The following PTPN4 variants were observed in gnomAD, a reference collection of about 807,000 sequenced individuals.
PTPN4 encodes tyrosine-protein phosphatase non-receptor type 4.
In PTPN4, 49 loss-of-function variants were observed where a neutral mutation model predicts 135.5. The ratio of observed to expected loss-of-function variants is 0.36; its 90% CI spans 0.29 to 0.46. The LOEUF (loss-of-function observed/expected upper bound fraction) is 0.46. Ranked by LOEUF, PTPN4 falls within the 20% of genes least tolerant of loss-of-function variation. The probability of loss-of-function intolerance (pLI) is 1.00; values close to 1 mark genes in which losing one functional copy is unlikely to be tolerated. For missense variants in PTPN4, 860 were observed against 1,101.0 expected, an observed-to-expected ratio of 0.78 and a Z score of 3.10; for synonymous variants, 333 against 369.9, an observed-to-expected ratio of 0.90 and a Z score of 1.14.
chr2:119,904,176 A>G (rs1678450488), intron 10 of PTPN4, among the ~76,000 whole-genome samples: 1 of 152,316 alleles, frequency 6.6e-6, no homozygotes, highest in East Asian at 1.9e-4. Context: ...CAGAGATATC[A>G]AGAAAACCAT....
intron 26 of PTPN4, among the ~76,000 whole-genome samples, chr2:119,973,026 C>CACATA (rs1679559020): frequency 6.6e-6 from 1 of 152,018 alleles, no homozygotes; most frequent in African/African-American, 2.4e-5. Context: ...TGGCAAAATA[C>CACATA]ACATAACATA....
intron 24 of PTPN4, among the ~76,000 whole-genome samples, chr2:119,963,234 G>T (rs1679395120): frequency 6.6e-6 from 1 of 152,166 alleles, no homozygotes; most frequent in African/African-American, 2.4e-5. Flanking sequence ...AGCAGATGGG[G>T]TGTAGATTTC....
At chr2:119,936,499 G>C (rs1678986079) in intron 15 of PTPN4, among the ~76,000 whole-genome samples, 1 of 151,978 alleles carries the variant, frequency 6.6e-6, no homozygotes, top group Non-Finnish European at 1.5e-5. Flanking sequence ...AAGATCTGAT[G>C]GTTTTATAAG....
intron 1 of PTPN4, among the ~76,000 whole-genome samples, chr2:119,774,302 T>C (rs1690790621): frequency 6.6e-6 from 1 of 152,188 alleles, no homozygotes; most frequent in Non-Finnish European, 1.5e-5. Flanking sequence ...GTACCATAGA[T>C]TGAGGTCTGC....
chr2:119,888,620 A>G (rs1678194646), intron 9 of PTPN4, among the ~76,000 whole-genome samples: 1 of 152,156 alleles, frequency 6.6e-6, no homozygotes, highest in Non-Finnish European at 1.5e-5. Context: ...CTTGTGATAT[A>G]TCATGTTTAT....
intron 1 of PTPN4, among the ~76,000 whole-genome samples, chr2:119,806,634 TTTAACACCCTA>T (rs1691475507): frequency 6.6e-6 from 1 of 152,134 alleles, no homozygotes; most frequent in African/African-American, 2.4e-5. Context: ...AATGGAAGAC[TTTAACACCCTA>T]CTGTCAACAT....
intron 9 of PTPN4, among the ~76,000 whole-genome samples, chr2:119,886,250 A>G (rs1305281985): frequency 6.6e-6 from 1 of 152,190 alleles, no homozygotes; most frequent in Non-Finnish European, 1.5e-5. Flanking sequence ...GGCCTGTATT[A>G]GTGCACTTAC....
chr2:119,793,647 C>T lies in PTPN4; in HGVS notation c.-17-16190C>T, dbSNP rs931250267. Among the ~76,000 whole-genome samples, 6 of 152,062 alleles carry T rather than the reference C, an allele frequency of 3.9e-5. No homozygotes were observed. In the East Asian group the frequency reaches 5.8e-4, roughly 15 times the overall value. On this transcript the variant is annotated intron_variant, in intron 1 of 26. Transcript: ENST00000263708. ...GTTTAGAGATTGTATTAAAGTCGGG[C>T]GTAAGAAATTATAAAAGTATTAATT...
At chr2:119,888,117 A>G (rs1484190915) in intron 9 of PTPN4, among the ~76,000 whole-genome samples, 2 of 151,986 alleles carry the variant, frequency 1.3e-5, no homozygotes, top group Non-Finnish European at 1.5e-5. Context: ...TATTTTTTGT[A>G]GCTATTGTAA....
chr2:119,924,510 G>A (rs1288748469), intron 12 of PTPN4, among the ~76,000 whole-genome samples: 9 of 151,806 alleles, frequency 5.9e-5, no homozygotes, highest in Admixed American at 5.9e-4. Flanking sequence ...TTTCTATGTT[G>A]CTTGAATAAC....
intron 2 of PTPN4, among the ~76,000 whole-genome samples, chr2:119,837,396 C>A (rs555397726): frequency 4.5e-4 from 69 of 151,854 alleles, no homozygotes; most frequent in Admixed American, 1.1e-3. Context: ...CCATAGGTCT[C>A]CTCTCCACCG....
intron 13 of PTPN4, among the ~76,000 whole-genome samples, chr2:119,930,261 A>G (rs1678885751): frequency 6.6e-6 from 1 of 152,168 alleles, no homozygotes; most frequent in Admixed American, 6.5e-5. Context: ...AACTAATAAC[A>G]TTCCATGTCT....
At chr2:119,913,866 A>AC (rs1574401698) in intron 10 of PTPN4, among the ~76,000 whole-genome samples, 2 of 152,308 alleles carry the variant, frequency 1.3e-5, no homozygotes, top group East Asian at 3.9e-4. Flanking sequence ...AGCCAAAAAA[A>AC]CGGTTATGGC....
chr2:119,890,012 G>A (rs537242933), intron 9 of PTPN4, among the ~76,000 whole-genome samples: 1 of 152,308 alleles, frequency 6.6e-6, no homozygotes, highest in Non-Finnish European at 1.5e-5. Context: ...GGAATGTTCT[G>A]TAAGTGTCTG....
At chr2:119,804,608 C>G (rs1045101865) in intron 1 of PTPN4, among the ~76,000 whole-genome samples, 2 of 152,192 alleles carry the variant, frequency 1.3e-5, no homozygotes, top group African/African-American at 4.8e-5. Context: ...AGGACGTGAA[C>G]TCATCCTTTT....
intron 1 of PTPN4, among the ~76,000 whole-genome samples, chr2:119,791,759 T>A (rs2104935792): frequency 6.6e-6 from 1 of 152,334 alleles, no homozygotes; most frequent in South Asian, 2.1e-4. Context: ...TATGTTTAGG[T>A]ATAAATCTCT....
intron 2 of PTPN4, among the ~76,000 whole-genome samples, chr2:119,839,396 C>T (rs1677346539): frequency 6.6e-6 from 1 of 152,170 alleles, no homozygotes; most frequent in African/African-American, 2.4e-5. Context: ...TCTTCCAAGA[C>T]ATTGTTTCCA....
intron 1 of PTPN4, among the ~76,000 whole-genome samples, chr2:119,785,381 T>G (rs2104931519): frequency 6.6e-6 from 1 of 152,316 alleles, no homozygotes; most frequent in South Asian, 2.1e-4. Context: ...TGATGCACAC[T>G]TAAGTGAGAG....
At chr2:119,917,877 T>C (rs1265549821) in intron 11 of PTPN4, among the ~76,000 whole-genome samples, 1 of 152,208 alleles carries the variant, frequency 6.6e-6, no homozygotes, top group African/African-American at 2.4e-5. Flanking sequence ...ACAAATTTTT[T>C]TGTGTGTTGT....
Sources: gnomAD v4.1 joint callset for allele counts (sites outside exome capture counted in the v4.1 genomes callset) on GRCh38, gnomAD v4.1.1 for gene constraint, MANE v1.5 for transcripts, NCBI Gene and HGNC (gene_info 2026-07-23, HGNC 2026-07-21) for gene names.